The following TCF7L1 variants were observed in gnomAD, a reference collection of about 807,000 sequenced individuals.
The protein encoded by TCF7L1 is transcription factor 7-like 1.
Under a neutral mutation model 63.7 loss-of-function variants are expected in TCF7L1, and 18 were observed. That is an observed-to-expected ratio of 0.28 (90% confidence interval 0.20 to 0.42). The LOEUF (loss-of-function observed/expected upper bound fraction) is 0.42, where lower values mean the gene tolerates loss of function less well. Among genes scored for constraint, TCF7L1 ranks in the 10% least tolerant of loss-of-function variants. The pLI is 1.00. For synonymous variants in TCF7L1, 355 were observed against 340.9 expected (o/e 1.04, Z -0.46); for missense variants, 654 against 779.3 (o/e 0.84, Z 1.91).
chr2:85,304,808 G>A (rs535056043), intron 7 of TCF7L1, among the ~76,000 whole-genome samples: 16 of 152,310 alleles, frequency 1.1e-4, no homozygotes, highest in African/African-American at 3.6e-4. Context: ...GTCACGGACT[G>A]TCTGTATATC....
rs62162685 is a variant in TCF7L1 at position 85,300,940 on chromosome 2, C to T, written c.526-1544C>T. Among the ~76,000 whole-genome samples, 5 of 152,082 alleles carry T rather than the reference C, an allele frequency of 3.3e-5. No individual in the cohort carries two copies. In the South Asian group the frequency reaches 8.3e-4, roughly 25 times the overall value. On this transcript the variant is annotated intron_variant, in intron 4 of 11. Transcript: ENST00000282111. The stretch of plus-strand genomic sequence containing the variant: ...GACTATAGGCACACGCCACCATGCC[C>T]GGCTAATTTTTGTATTTTTAGTAGA...
At chr2:85,265,908 CAGAGAGATT>C (rs1680962270) in intron 3 of TCF7L1, among the ~76,000 whole-genome samples, 1 of 152,100 alleles carries the variant, frequency 6.6e-6, no homozygotes, top group African/African-American at 2.4e-5. Context: ...TCTTGTCTCC[CAGAGAGATT>C]AAGTTCAACT....
At chr2:85,307,854 G>A (rs988677775) in intron 11 of TCF7L1, 137 bp downstream of exon 11, 10 of 708,070 alleles carry the variant, frequency 1.4e-5, no homozygotes, top group African/African-American at 7.2e-5. Flanking sequence ...CCCCTTTCTC[G>A]AGGTGGCCAC....
intron 3 of TCF7L1, among the ~76,000 whole-genome samples, chr2:85,148,447 CCG>C (rs1354703385): frequency 6.6e-6 from 1 of 152,162 alleles, no homozygotes; most frequent in Non-Finnish European, 1.5e-5. Context: ...TGAATCCCAG[CCG>C]CGTCATGAGT....
chr2:85,181,490 T>G (rs1678804999), intron 3 of TCF7L1, among the ~76,000 whole-genome samples: 2 of 152,078 alleles, frequency 1.3e-5, no homozygotes, highest in Admixed American at 1.3e-4. Flanking sequence ...AAAAAAGAAC[T>G]ATGTGTGTGA....
Position 85,283,523 on chromosome 2 carries a change from A to C in TCF7L1, c.470A>C (p.Asp157Ala), listed in dbSNP as rs927701240. Residue 157 changes from aspartate to alanine, a missense_variant, in exon 4 of 12, where the codon GAT becomes GCT. Physicochemically the swap from Asp to Ala is moderately radical, Grantham distance 126 (BLOSUM62 -2). Transcript: ENST00000282111. ...TYLQMKWPLL[D>A]VPSSATVKDT... ...CTGCAGATGAAATGGCCCCTCCTCG[A>C]TGTCCCCTCCAGCGCCACAGTCAAG... The C allele has an allele frequency of 5.0e-6, 8 of 1,613,984 alleles. No individual in the cohort carries two copies. The highest frequency in any genetic ancestry group is 5.9e-6 in the Non-Finnish European group (7 of 1,179,994).
intron 3 of TCF7L1, among the ~76,000 whole-genome samples, chr2:85,274,494 A>C (rs1681228008): frequency 6.6e-6 from 1 of 152,054 alleles, no homozygotes; most frequent in African/African-American, 2.4e-5. Flanking sequence ...ACGTCAGCTG[A>C]GAACCATGTG....
Position 85,133,633 on chromosome 2 carries a change from G to A in TCF7L1, c.-52G>A. On this transcript the variant is annotated 5_prime_UTR_variant, in exon 1 of 12. Transcript: ENST00000282111. This position sits in a 1 kb window ranked among gnomAD's most constrained non-coding sequence, Gnocchi z 4.4. ...GGGGCGCCGGGCCGGGCCGGGCAGGGCGCGGGCGGCTAGGGGCTCCGAGAG... is the reference window on the plus strand; with the variant it reads ...GGGGCGCCGGGCCGGGCCGGGCAGGACGCGGGCGGCTAGGGGCTCCGAGAG... 1 of 748,120 alleles carries A rather than the reference G, an allele frequency of 1.3e-6. No individual in the cohort carries two copies. The highest frequency in any genetic ancestry group is 1.6e-6 in the Non-Finnish European group (1 of 615,226). The allele number at this position is 748,120 out of a possible 1,614,324, so 46.3% of individuals were successfully genotyped here.
At chr2:85,301,392 T>G (rs577479845) in intron 4 of TCF7L1, among the ~76,000 whole-genome samples, 94 of 152,352 alleles carry the variant, frequency 6.2e-4, no homozygotes, top group African/African-American at 2.2e-3. Context: ...AAATTATGCC[T>G]GGTGCTGTGT....
At position 85,305,255 on chromosome 2, in the gene TCF7L1, C is replaced by T; in HGVS notation, c.846-5C>T. The T allele has an allele frequency of 6.2e-7, 1 of 1,614,126 alleles. No individual in the cohort carries two copies. On this transcript the variant is annotated splice_polypyrimidine_tract_variant and splice_region_variant and intron_variant, in intron 7 of 11. Transcript: ENST00000282111. ...TGTTGCCATTTGTTTCTATCCGGTG[C>T]ACAGCCTGGTCTCCAGTCGGTTCTC...
rs1365551222 is a variant in TCF7L1 at position 85,309,485 on chromosome 2, T to G, written c.*23T>G. The G allele has an allele frequency of 9.9e-6, 15 of 1,515,728 alleles. No homozygotes were observed. The highest frequency in any genetic ancestry group is 9.1e-5 in the Admixed American group (4 of 44,046). 93.9% of individuals were successfully genotyped at this position (1,515,728 alleles called of 1,614,324 possible). On this transcript the variant is annotated 3_prime_UTR_variant, in exon 12 of 12. Coordinates refer to ENST00000282111, the MANE Select transcript of TCF7L1 (RefSeq NM_031283.3). ...TAAGCTCCCCCCGACCCCTGCAGGC[T>G]GTCACATGACTCATTGAGTAGTAAT...
chr2:85,168,418 TGGAGAAGGAGG>T (rs945138603), intron 3 of TCF7L1, among the ~76,000 whole-genome samples: 2 of 151,960 alleles, frequency 1.3e-5, no homozygotes, highest in African/African-American at 4.8e-5. Flanking sequence ...ACAGTGAAGA[TGGAGAAGGAGG>T]GGTAGGGGTG....
At chr2:85,253,294 A>G in intron 3 of TCF7L1, among the ~76,000 whole-genome samples, 1 of 148,006 alleles carries the variant, frequency 6.8e-6, no homozygotes, top group East Asian at 2.1e-4. Context: ...ACAGCCAGTC[A>G]GAAGTGTGAT....
At chr2:85,161,837 CGT>C (rs1181332220) in intron 3 of TCF7L1, among the ~76,000 whole-genome samples, 2 of 151,950 alleles carry the variant, frequency 1.3e-5, no homozygotes, top group African/African-American at 4.8e-5. Context: ...CAGGGCTGGG[CGT>C]GGCTGGGTCT....
intron 3 of TCF7L1, among the ~76,000 whole-genome samples, chr2:85,180,248 T>C (rs1678775351): frequency 6.7e-6 from 1 of 149,282 alleles, no homozygotes; most frequent in Admixed American, 6.7e-5. Context: ...TTTTTTTTGG[T>C]AGAGACAGGG....
chr2:85,294,176 A>G (rs1445866384), intron 4 of TCF7L1, among the ~76,000 whole-genome samples: 1 of 151,702 alleles, frequency 6.6e-6, no homozygotes, highest in Non-Finnish European at 1.5e-5. Context: ...AGCTGGGACT[A>G]CAGGCACCCG....
At chr2:85,145,358 A>G (rs1677854820) in intron 3 of TCF7L1, among the ~76,000 whole-genome samples, 1 of 152,248 alleles carries the variant, frequency 6.6e-6, no homozygotes, top group Non-Finnish European at 1.5e-5. Context: ...GAGAGATGGC[A>G]ACTGTGATTA....
chr2:85,195,735 T>G (rs1306030011), intron 3 of TCF7L1, among the ~76,000 whole-genome samples: 5 of 151,958 alleles, frequency 3.3e-5, no homozygotes, highest in African/African-American at 1.2e-4. Context: ...TTTGTAGAGA[T>G]GGGGTCTCGC....
chr2:85,229,000 G>A (rs1294825554), intron 3 of TCF7L1, among the ~76,000 whole-genome samples: 40 of 126,562 alleles, frequency 3.2e-4, no homozygotes, highest in African/African-American at 1.2e-3. Context: ...CAGCCTGGGC[G>A]ACAGAGAGAG....
Sources: allele counts gnomAD v4.1 joint callset (sites outside exome capture counted in the v4.1 genomes callset), GRCh38; gene constraint gnomAD v4.1.1; non-coding constraint Gnocchi (gnomAD v3.1); transcripts MANE v1.5; gene names NCBI Gene and HGNC (gene_info 2026-07-23, HGNC 2026-07-21).